Variants in GDA observed in about 807,000 individuals in gnomAD.
GDA encodes the protein guanine deaminase.
GDA carries 18 observed loss-of-function variants against 59.6 expected under a neutral mutation model. The ratio of observed to expected loss-of-function variants is 0.30; its 90% CI spans 0.21 to 0.45. The LOEUF (loss-of-function observed/expected upper bound fraction) is 0.45. Among genes scored for constraint, GDA ranks in the 20% least tolerant of loss-of-function variants. GDA has a pLI of 1.00. For missense variants in GDA, 427 were observed against 552.3 expected, an observed-to-expected ratio of 0.77 and a Z score of 2.27; for synonymous variants, 201 against 201.1, an observed-to-expected ratio of 1.00 and a Z score of 0.00.
chr9:72,157,411 A>G (rs1457068554), intron 1 of GDA, among the ~76,000 whole-genome samples: 1 of 152,192 alleles, frequency 6.6e-6, no homozygotes, highest in Non-Finnish European at 1.5e-5. Context: ...TGTTCATTGC[A>G]GCCCAATGCA....
chr9:72,254,458 A>C (rs1040414773), downstream of GDA, among the ~76,000 whole-genome samples: 19 of 149,084 alleles, frequency 1.3e-4, no homozygotes, highest in Non-Finnish European at 2.4e-4. Flanking sequence ...TAAAAAAAAA[A>C]CAAAAAAACA....
intron 1 of GDA, among the ~76,000 whole-genome samples, chr9:72,162,744 G>A (rs111564120): frequency 1.1e-4 from 16 of 151,676 alleles, no homozygotes; most frequent in African/African-American, 3.4e-4. Flanking sequence ...TGCAAGCTCC[G>A]CCTCCCGGGT....
chr9:72,228,246 G>A (rs1184186370), intron 9 of GDA: 1 of 506,066 alleles, frequency 2.0e-6, no homozygotes, highest in Non-Finnish European at 3.5e-6. Flanking sequence ...CACGTGAAGA[G>A]CACAGCATCT....
intron 10 of GDA, among the ~76,000 whole-genome samples, chr9:72,237,316 G>A (rs1240323573): frequency 6.6e-6 from 1 of 152,168 alleles, no homozygotes; most frequent in African/African-American, 2.4e-5. Context: ...TCCAAAGGAT[G>A]CCATTCTGTC....
intron 1 of GDA, among the ~76,000 whole-genome samples, chr9:72,168,218 G>A (rs1424585676): frequency 6.6e-6 from 1 of 151,920 alleles, no homozygotes; most frequent in African/African-American, 2.4e-5. Flanking sequence ...GCAACACAGG[G>A]AGATCCCTCT....
chr9:72,160,522 T>C (rs967943622), intron 1 of GDA, among the ~76,000 whole-genome samples: 1 of 152,220 alleles, frequency 6.6e-6, no homozygotes, highest in African/African-American at 2.4e-5. Context: ...CTTAGCATAA[T>C]GTTTTTAAAG....
chr9:72,114,709 G>T (rs1450369951), exon 1 of GDA: 1 of 151,984 alleles, frequency 6.6e-6, no homozygotes, highest in Non-Finnish European at 1.5e-5. Flanking sequence ...AGGCTTAGGG[G>T]TACAAAAACC....
chr9:72,228,012 A>G lies in GDA; in HGVS notation c.892A>G (p.Ile298Val), dbSNP rs547662878. Residue 298 changes from isoleucine (I) to valine (V), a missense_variant, in exon 9 of 14, where the codon ATC becomes GTC. Transcript: ENST00000358399. ...CGTATTCCATGAACGAGGAGCATCC[A>G]TCGCACACTGTCCCAATTCTAATTT... is the stretch of plus-strand genomic sequence containing the variant. ...LNVFHERGAS[I>V]AHCPNSNLSL... 25 of 1,591,898 alleles carry G rather than the reference A, an allele frequency of 1.6e-5. No homozygotes were observed. In the African/African-American group the frequency reaches 2.4e-4, roughly 15 times the overall value.
chr9:72,154,627 AG>A (rs1445434595), intron 1 of GDA, among the ~76,000 whole-genome samples: 1 of 152,248 alleles, frequency 6.6e-6, no homozygotes, highest in Non-Finnish European at 1.5e-5. Flanking sequence ...TAGATTCACT[AG>A]CAAGCTATCT....
chr9:72,134,712 T>C (rs1240395115), intron 1 of GDA, among the ~76,000 whole-genome samples: 1 of 152,202 alleles, frequency 6.6e-6, no homozygotes, highest in Non-Finnish European at 1.5e-5. Flanking sequence ...CCGGCACTTG[T>C]TTTTTATGGT....
chr9:72,120,799 C>T (rs191231606), intron 1 of GDA, among the ~76,000 whole-genome samples: 2 of 152,282 alleles, frequency 1.3e-5, no homozygotes, highest in African/African-American at 2.4e-5. Flanking sequence ...TACCCTTTAA[C>T]ACATGACTTC....
At chr9:72,209,349 ATCTTTTCCTTTTCCTGAG>A (rs1835091706) in intron 3 of GDA, among the ~76,000 whole-genome samples, 1 of 151,814 alleles carries the variant, frequency 6.6e-6, no homozygotes, top group African/African-American at 2.4e-5. Context: ...TTTGATTTTC[ATCTTTTCCTTTTCCTGAG>A]CAATTCTCTT....
At chr9:72,229,763 A>T (rs1171991269) in intron 9 of GDA, among the ~76,000 whole-genome samples, 1 of 152,190 alleles carries the variant, frequency 6.6e-6, no homozygotes, top group Non-Finnish European at 1.5e-5. Flanking sequence ...AATTACAAAG[A>T]TATATGTCAG....
intron 1 of GDA, among the ~76,000 whole-genome samples, chr9:72,177,734 G>T (rs2131033406): frequency 6.6e-6 from 1 of 152,264 alleles, no homozygotes; most frequent in South Asian, 2.1e-4. Context: ...TATCCTTTGA[G>T]CTTTCAGTAT....
intron 1 of GDA, among the ~76,000 whole-genome samples, chr9:72,115,573 T>G (rs892324616): frequency 1.3e-5 from 2 of 152,226 alleles, no homozygotes; most frequent in African/African-American, 4.8e-5. Context: ...TATTTGTTAT[T>G]TAAAATTTGC....
Position 72,158,292 on chromosome 9 carries a change from C to T in GDA, c.123+8610C>T, listed in dbSNP as rs940823132. ...TGACATAGCTGAACCTCAGCATCCTCATTTAAAAATGTGGATTAAGGCTGG... is the reference window on the plus strand; with the variant it reads ...TGACATAGCTGAACCTCAGCATCCTTATTTAAAAATGTGGATTAAGGCTGG... On this transcript the variant is annotated intron_variant, in intron 1 of 13. Coordinates refer to ENST00000358399, the MANE Select transcript of GDA (RefSeq NM_004293.5). 7.9e-5 allele frequency among the ~76,000 whole-genome samples: 12 copies of T among 152,158 alleles called. 1 individual carries two copies. The highest frequency in any genetic ancestry group is 7.9e-4 in the Admixed American group (12 of 15,260).
chr9:72,136,711 T>C (rs60772949), intron 1 of GDA, among the ~76,000 whole-genome samples: 20,196 of 152,128 alleles, frequency 0.13, 2,889 homozygotes, highest in African/African-American at 0.36. Context: ...CACGGTGGCT[T>C]ATGCCTGTAA....
chr9:72,143,128 AT>A (rs534785979), intron 1 of GDA, among the ~76,000 whole-genome samples: 62,729 of 125,224 alleles, frequency 0.5, 14,527 homozygotes, highest in Middle Eastern at 0.6. Context: ...CAGGTCAAGA[AT>A]TTTTTTTTTT....
intron 1 of GDA, among the ~76,000 whole-genome samples, chr9:72,120,437 G>A (rs1283644242): frequency 3.9e-5 from 6 of 151,954 alleles, no homozygotes; most frequent in East Asian, 3.9e-4. Flanking sequence ...CAGTTGATCC[G>A]CCCGCCTCAG....
Sources: allele counts gnomAD v4.1 joint callset (sites outside exome capture counted in the v4.1 genomes callset), GRCh38; gene constraint gnomAD v4.1.1; transcripts MANE v1.5; gene names NCBI Gene and HGNC (gene_info 2026-07-23, HGNC 2026-07-21).